The following NCOA2 variants were observed in gnomAD, a reference collection of about 807,000 sequenced individuals.
The protein encoded by NCOA2 is class E basic helix-loop-helix protein 75.
Under a neutral mutation model 145.1 loss-of-function variants are expected in NCOA2, and 21 were observed. The ratio of observed to expected loss-of-function variants is 0.14; its 90% CI spans 0.10 to 0.21. The LOEUF (loss-of-function observed/expected upper bound fraction) is 0.21, where lower values mean the gene tolerates loss of function less well. NCOA2 is among the 10% of genes least tolerant of loss of function. The pLI is 1.00. For synonymous variants in NCOA2, 619 were observed against 637.5 expected, an observed-to-expected ratio of 0.97 and a Z score of 0.44; for missense variants, 1,472 against 1,837.6, an observed-to-expected ratio of 0.80 and a Z score of 3.64.
chr8:70,403,567 C>T (rs1814590458), intron 1 of NCOA2, 133 bp downstream of exon 1: 1 of 298,552 alleles, frequency 3.3e-6, no homozygotes, highest in Admixed American at 5.2e-5. Flanking sequence ...CAAAAACAGC[C>T]TCTCGGAGGC....
intron 1 of NCOA2, among the ~76,000 whole-genome samples, chr8:70,319,096 T>C (rs1179714144): frequency 1.3e-5 from 2 of 152,194 alleles, no homozygotes; most frequent in African/African-American, 2.4e-5. Flanking sequence ...AAATTTAGGG[T>C]TGCCTAGCTA....
chr8:70,397,252 G>C (rs1311686140), intron 1 of NCOA2, among the ~76,000 whole-genome samples: 1 of 152,070 alleles, frequency 6.6e-6, no homozygotes, highest in African/African-American at 2.4e-5. Context: ...AGGAGTTCAG[G>C]ACCAGCCTGG....
intron 2 of NCOA2, among the ~76,000 whole-genome samples, chr8:70,292,743 G>C (rs1826790733): frequency 6.6e-6 from 1 of 152,246 alleles, no homozygotes; most frequent in African/African-American, 2.4e-5. Context: ...CAGGAAGAGA[G>C]AAAGGAGAGT....
chr8:70,136,036 C>T (rs1402708051), intron 15 of NCOA2, among the ~76,000 whole-genome samples: 1 of 152,102 alleles, frequency 6.6e-6, no homozygotes, highest in Non-Finnish European at 1.5e-5. Flanking sequence ...ACAAAAGAAA[C>T]CTTACTTAGA....
At chr8:70,174,731 C>T in intron 5 of NCOA2, 25 bp downstream of exon 5, 1 of 1,568,046 alleles carries the variant, frequency 6.4e-7, no homozygotes, top group Non-Finnish European at 8.8e-7. Flanking sequence ...TTTTAAAATA[C>T]AGCACTAAAA....
At chr8:70,366,357 C>T (rs1325824308) in intron 1 of NCOA2, among the ~76,000 whole-genome samples, 1 of 152,090 alleles carries the variant, frequency 6.6e-6, no homozygotes, top group African/African-American at 2.4e-5. Context: ...GCTTCTCTAG[C>T]AGGCTCTGTA....
At chr8:70,265,361 C>T (rs975106122) in intron 2 of NCOA2, among the ~76,000 whole-genome samples, 1 of 152,302 alleles carries the variant, frequency 6.6e-6, no homozygotes, top group African/African-American at 2.4e-5. Flanking sequence ...GCCTCCGGAA[C>T]TGTGAGAAAT....
rs756511267 is a variant in NCOA2 at position 70,128,811 on chromosome 8, T to C, written c.3494A>G (p.Tyr1165Cys). 14 of 1,613,918 alleles carry C rather than the reference T, an allele frequency of 8.7e-6. No homozygotes were observed. The highest frequency in any genetic ancestry group is 1.3e-5 in the African/African-American group (1 of 74,928). Reference protein sequence around the residue: ...NFHTMGQRPSYATLRMQPRPG... With the variant: ...NFHTMGQRPSCATLRMQPRPG... ...TCTGGGCTGCATACGGAGTGTGGCA[T>C]AACTAGGCCGCTGTCCCATGGTGTG... The change falls in exon 17 of 23, where the codon TAT becomes TGT. Residue 1165 changes from tyrosine (Y) to cysteine (C), a missense_variant. Tyr to Cys is a radical substitution (Grantham distance 194, BLOSUM62 -2). Around this residue, in one of 4 missense-constraint regions of NCOA2, gnomAD observed 953 missense variants for 1,062.1 expected, o/e 0.90. Coordinates refer to ENST00000452400, the MANE Select transcript of NCOA2 (RefSeq NM_006540.4).
intron 2 of NCOA2, among the ~76,000 whole-genome samples, chr8:70,221,339 T>C (rs1371949705): frequency 6.6e-6 from 1 of 152,204 alleles, no homozygotes; most frequent in African/African-American, 2.4e-5. Context: ...TAAAGCTGCA[T>C]CCACTATTGC....
chr8:70,312,771 C>T (rs1188809747), intron 1 of NCOA2, among the ~76,000 whole-genome samples: 1 of 152,030 alleles, frequency 6.6e-6, no homozygotes, highest in African/African-American at 2.4e-5. Flanking sequence ...GACCCAATAT[C>T]GTACTTCGTA....
intron 1 of NCOA2, among the ~76,000 whole-genome samples, chr8:70,365,840 G>A (rs1810640240): frequency 6.6e-6 from 1 of 152,088 alleles, no homozygotes; most frequent in Non-Finnish European, 1.5e-5. Context: ...TGAAAGAAGA[G>A]GATAAATTTT....
At chr8:70,178,990 A>C (rs1212253815) in intron 4 of NCOA2, among the ~76,000 whole-genome samples, 1 of 152,228 alleles carries the variant, frequency 6.6e-6, no homozygotes, top group Non-Finnish European at 1.5e-5. Flanking sequence ...GTGATTTGAA[A>C]GAAAATTCCA....
intron 1 of NCOA2, among the ~76,000 whole-genome samples, chr8:70,402,844 G>A (rs1327484508): frequency 2.1e-4 from 31 of 147,410 alleles, no homozygotes; most frequent in Admixed American, 6.7e-5. Context: ...AGTCAGGGGC[G>A]AGCCCGGCTC....
At chr8:70,353,442 T>C (rs1361355222) in intron 1 of NCOA2, among the ~76,000 whole-genome samples, 1 of 148,170 alleles carries the variant, frequency 6.7e-6, no homozygotes, top group Non-Finnish European at 1.5e-5. Flanking sequence ...GCCAACTTTT[T>C]CTCCAAAAAA....
At chr8:70,445,513 C>T in the NCOA2 span, among the ~76,000 whole-genome samples, 48 of 152,312 alleles carry the variant, frequency 3.2e-4, no homozygotes, top group Middle Eastern at 3.4e-3. Flanking sequence ...AAATACACTG[C>T]TGTGATAGAA....
the NCOA2 span, chr8:70,424,376 G>C: frequency 2.6e-6 from 1 of 377,598 alleles, no homozygotes; most frequent in African/African-American, 2.1e-5. Flanking sequence ...CTGCTTAGTG[G>C]CAATCATATG....
At chr8:70,415,180 T>A in the NCOA2 span, among the ~76,000 whole-genome samples, 129 of 152,120 alleles carry the variant, frequency 8.5e-4, 1 homozygote, top group African/African-American at 3.0e-3. Context: ...TTTTTATTTT[T>A]TTTTTTAATT....
chr8:70,211,901 T>C (rs995441211), intron 4 of NCOA2, among the ~76,000 whole-genome samples: 2 of 152,126 alleles, frequency 1.3e-5, no homozygotes, highest in East Asian at 3.8e-4. Context: ...AGGGTATATA[T>C]TGCTGCTTCT....
chr8:70,243,353 G>A (rs916197093), intron 2 of NCOA2, among the ~76,000 whole-genome samples: 6 of 152,088 alleles, frequency 3.9e-5, no homozygotes, highest in Non-Finnish European at 7.4e-5. Context: ...AGTCAGATAA[G>A]TTTTATTCCT....
Sources: gnomAD v4.1 joint callset for allele counts (sites outside exome capture counted in the v4.1 genomes callset) on GRCh38, gnomAD v4.1.1 for gene constraint, gnomAD v4.1.1 regional missense constraint, MANE v1.5 for transcripts, NCBI Gene and HGNC (gene_info 2026-07-23, HGNC 2026-07-21) for gene names.